The following CELF2 variants were observed in gnomAD, a reference collection of about 807,000 sequenced individuals.
CELF2 encodes CUG triplet repeat RNA-binding protein 2.
In CELF2, 8 loss-of-function variants were observed where a neutral mutation model predicts 62.6. That is an observed-to-expected ratio of 0.13 (90% CI 0.07 to 0.23). The LOEUF (loss-of-function observed/expected upper bound fraction) is 0.23. Among genes scored for constraint, CELF2 ranks in the 10% least tolerant of loss-of-function variants. The pLI, the probability that CELF2 is intolerant of heterozygous loss-of-function variation, is 1.00. For synonymous variants in CELF2, 258 were observed against 250.0 expected, an observed-to-expected ratio of 1.03 and a Z score of -0.30; for missense variants, 333 against 671.0, an observed-to-expected ratio of 0.50 and a Z score of 5.56.
At chr10:11,149,913 C>T (rs1390784162) in intron 1 of CELF2, among the ~76,000 whole-genome samples, 2 of 152,166 alleles carry the variant, frequency 1.3e-5, no homozygotes, top group African/African-American at 4.8e-5. Flanking sequence ...ATGTCTTTCC[C>T]CTGTTAAATA....
At position 11,309,858 on chromosome 10, in the gene CELF2, T is replaced by C. The variant is rs1021869776; in HGVS notation, c.977-4281T>C. Among the ~76,000 whole-genome samples the C allele has an allele frequency of 2.6e-5, 4 of 152,254 alleles. No homozygotes were observed. The highest frequency in any genetic ancestry group is 5.9e-5 in the Non-Finnish European group (4 of 68,044). On this transcript the variant is annotated intron_variant, in intron 9 of 12. Transcript: ENST00000633077. The surrounding 1 kb of genome is among the most constrained non-coding windows in gnomAD (Gnocchi z 5.6). ...CTGAGGTTTGAACTTTCCTATACTC[T>C]GTTCCAAATAATTAGTTATCCTTAG...
chr10:11,023,973 C>T (rs971305283), intron 1 of CELF2, among the ~76,000 whole-genome samples: 1 of 152,170 alleles, frequency 6.6e-6, no homozygotes, highest in African/African-American at 2.4e-5. Flanking sequence ...ATTTTATTTA[C>T]TCCATTTGAG....
Position 11,290,892 on chromosome 10 carries a change from T to G in CELF2, c.976+2340T>G, listed in dbSNP as rs1460979716. On this transcript the variant is annotated intron_variant, in intron 9 of 12. Coordinates refer to ENST00000633077, the MANE Select transcript of CELF2 (RefSeq NM_001326342.2). This position sits in a 1 kb window ranked among gnomAD's most constrained non-coding sequence, Gnocchi z 4.3. ...GAAATCTACATTTCAATTATTTTTC[T>G]TAAGTGTAACTAAAAAATCTGATGT... is the stretch of plus-strand genomic sequence containing the variant. 6.6e-6 allele frequency among the ~76,000 whole-genome samples: 1 copy of G among 152,244 alleles called. No individual in the cohort carries two copies. Among genetic ancestry groups the G allele is most frequent in the Non-Finnish European group, 1.5e-5 (1 of 68,054 alleles).
At chr10:10,759,052 C>G in the CELF2 span, among the ~76,000 whole-genome samples, 1 of 152,172 alleles carries the variant, frequency 6.6e-6, no homozygotes, top group Admixed American at 6.5e-5. Context: ...CAGATCCTTG[C>G]TTCACAGAGA....
chr10:11,275,225 G>T (rs955265155), intron 8 of CELF2, 105 bp downstream of exon 8: 3 of 1,115,146 alleles, frequency 2.7e-6, no homozygotes, highest in African/African-American at 3.1e-5. Flanking sequence ...CAAGAATGAT[G>T]ATCAGACTTG....
At position 11,267,164 on chromosome 10, in the gene CELF2, T is replaced by C. The variant is rs545007104; in HGVS notation, c.618+487T>C. Among the ~76,000 whole-genome samples the C allele has an allele frequency of 4.6e-5, 7 of 152,380 alleles. No homozygotes were observed. In the South Asian group the frequency reaches 1.4e-3, roughly 32 times the overall value. On this transcript the variant is annotated intron_variant, in intron 6 of 12. Coordinates refer to ENST00000633077, the MANE Select transcript of CELF2 (RefSeq NM_001326342.2). This position sits in a 1 kb window ranked among gnomAD's most constrained non-coding sequence, Gnocchi z 4.4. ...CAGCATTGTGTTTTTACATCAAGAA[T>C]GTTGGAGAAAGTTAATATTTCTCCC...
intron 1 of CELF2, among the ~76,000 whole-genome samples, chr10:10,811,406 G>T (rs1295145913): frequency 6.6e-6 from 1 of 152,106 alleles, no homozygotes; most frequent in Non-Finnish European, 1.5e-5. Flanking sequence ...TTGCAAATGT[G>T]GGCAATGTGA....
chr10:10,645,513 G>A, the CELF2 span, among the ~76,000 whole-genome samples: 2 of 152,084 alleles, frequency 1.3e-5, no homozygotes, highest in African/African-American at 4.8e-5. Context: ...AATTAGGCAG[G>A]CATGGTAGCA....
At chr10:10,665,974 G>A in the CELF2 span, among the ~76,000 whole-genome samples, 6 of 152,174 alleles carry the variant, frequency 3.9e-5, no homozygotes, top group Admixed American at 1.3e-4. Context: ...GCCAAGGCCC[G>A]GTGATACGAA....
At chr10:10,999,435 G>A (rs1349510779) in intron 2 of CELF2, among the ~76,000 whole-genome samples, 1 of 152,158 alleles carries the variant, frequency 6.6e-6, no homozygotes, top group Non-Finnish European at 1.5e-5. Flanking sequence ...AAGCACCTGA[G>A]TATTATATGA....
the CELF2 span, among the ~76,000 whole-genome samples, chr10:10,745,127 AC>A: frequency 8.7e-4 from 105 of 121,250 alleles, 1 homozygote; most frequent in Middle Eastern, 0.013. Flanking sequence ...AAAAAAAAAA[AC>A]AAAACAAAAA....
chr10:10,734,039 T>C, the CELF2 span, among the ~76,000 whole-genome samples: 1 of 152,174 alleles, frequency 6.6e-6, no homozygotes. Flanking sequence ...CATACGTATA[T>C]CAATTACTAA....
the CELF2 span, among the ~76,000 whole-genome samples, chr10:10,608,896 C>A: frequency 6.6e-6 from 1 of 152,186 alleles, no homozygotes; most frequent in African/African-American, 2.4e-5. Flanking sequence ...GCATAGGGAC[C>A]CCGTGAATCA....
At position 11,314,880 on chromosome 10, in the gene CELF2, C is replaced by T. The variant is rs2094823067; in HGVS notation, c.1096+622C>T. Reference sequence around the variant, plus strand: ...TGACATGATCAGAATCTTTATTAAGCACCCACAGGTATGGGTCACTCTACA... The same window carrying T: ...TGACATGATCAGAATCTTTATTAAGTACCCACAGGTATGGGTCACTCTACA... On this transcript the variant is annotated intron_variant, in intron 10 of 12. Coordinates refer to ENST00000633077, the MANE Select transcript of CELF2 (RefSeq NM_001326342.2). This position sits in a 1 kb window ranked among gnomAD's most constrained non-coding sequence, Gnocchi z 5.3. 5.8e-6 allele frequency: 1 copy of T among 173,750 alleles called. No individual in the cohort carries two copies. Among genetic ancestry groups the T allele is most frequent in the African/African-American group, 2.4e-5 (1 of 41,674 alleles). 10.8% of individuals were successfully genotyped at this position (173,750 alleles called of 1,614,324 possible).
At chr10:10,805,650 G>A (rs1230284766) in intron 1 of CELF2, among the ~76,000 whole-genome samples, 3 of 152,084 alleles carry the variant, frequency 2.0e-5, no homozygotes, top group Non-Finnish European at 4.4e-5. Flanking sequence ...GGAGACGGGT[G>A]GATGAAATCA....
chr10:11,165,401 TC>T lies in CELF2; in HGVS notation c.75-81del. ...TGCTCTTCTTCCTCCTCCTTCCGCC[TC>T]CCCGCTCCCCCACCCCCACTATTTT... On this transcript the variant is annotated intron_variant, in intron 1 of 12. Transcript: ENST00000633077. This position sits in a 1 kb window ranked among gnomAD's most constrained non-coding sequence, Gnocchi z 7.4. The T allele has an allele frequency of 6.6e-7, 1 of 1,525,170 alleles. No homozygotes were observed. Among genetic ancestry groups the T allele is most frequent in the Non-Finnish European group, 8.8e-7 (1 of 1,134,378 alleles). 94.5% of individuals were successfully genotyped at this position (1,525,170 alleles called of 1,614,324 possible). A position where few individuals can be genotyped will look rare whatever the true frequency, so the allele number is the denominator to read the frequency against.
rs975236308 is a variant in CELF2 at position 10,931,486 on chromosome 10, T to G, written c.89+11487T>G. Among the ~76,000 whole-genome samples the G allele has an allele frequency of 6.6e-6, 1 of 152,146 alleles. No individual in the cohort carries two copies. Among genetic ancestry groups the G allele is most frequent in the Non-Finnish European group, 1.5e-5 (1 of 68,028 alleles). ...GAAACTCTATTTACCACCACAGTTA[T>G]AGCATTTGAGACCCTCCCTCACCCA... On this transcript the variant is annotated intron_variant, in intron 2 of 13. Coordinates refer to the CELF2 transcript ENST00000636488. The surrounding 1 kb of genome is among the most constrained non-coding windows in gnomAD (Gnocchi z 6.1).
At chr10:10,924,883 G>C (rs1227933444) in intron 2 of CELF2, 1 of 152,172 alleles carries the variant, frequency 6.6e-6, no homozygotes, top group East Asian at 1.9e-4. Context: ...TTGTGTGACT[G>C]TCAGAGACAA....
At chr10:11,232,481 T>C (rs553877617) in intron 3 of CELF2, among the ~76,000 whole-genome samples, 5 of 152,248 alleles carry the variant, frequency 3.3e-5, no homozygotes, top group Admixed American at 3.3e-4. Flanking sequence ...GACCAAGTGA[T>C]CACAATCACA....
Sources: allele counts gnomAD v4.1 joint callset (sites outside exome capture counted in the v4.1 genomes callset), GRCh38; gene constraint gnomAD v4.1.1; non-coding constraint Gnocchi (gnomAD v3.1); transcripts MANE v1.5; gene names NCBI Gene and HGNC (gene_info 2026-07-23, HGNC 2026-07-21).